Variants in IKBKB observed in about 807,000 individuals in gnomAD.
IKBKB encodes the protein inhibitor of nuclear factor kappa B kinase subunit beta.
In IKBKB, 42 loss-of-function variants were observed where a neutral mutation model predicts 113.6. That is an observed-to-expected ratio of 0.37 (90% CI 0.29 to 0.48). The LOEUF (loss-of-function observed/expected upper bound fraction) is 0.48. IKBKB is among the 20% of genes least tolerant of loss of function. IKBKB has a pLI of 0.99. For synonymous variants in IKBKB, 296 were observed against 361.3 expected (o/e 0.82, Z 2.05); for missense variants, 673 against 939.7 (o/e 0.72, Z 3.71).
chr8:42,288,580 G>T, intron 2 of IKBKB, 54 bp from the exon 3 acceptor site: 3 of 1,402,064 alleles, frequency 2.1e-6, no homozygotes, highest in Non-Finnish European at 3.0e-6. Flanking sequence ...AGCAGACAGG[G>T]TGGGATTTGG....
intron 16 of IKBKB, chr8:42,321,068 G>C (rs1819691212): frequency 2.3e-6 from 1 of 442,398 alleles, no homozygotes; most frequent in South Asian, 4.1e-5. Context: ...GATGAATTCA[G>C]ATAATGCATT....
chr8:42,314,130 CGGAGCA>C, intron 8 of IKBKB, 186 bp from the exon 9 acceptor site: 1 of 588,252 alleles, frequency 1.7e-6, no homozygotes, highest in Non-Finnish European at 3.1e-6. Flanking sequence ...TATTCAGTAC[CGGAGCA>C]TGCTGTACAG....
chr8:42,329,857 G>T (rs904695073), intron 21 of IKBKB: 15 of 985,294 alleles, frequency 1.5e-5, no homozygotes, highest in Non-Finnish European at 1.7e-5. Context: ...TGCATCATTT[G>T]CTTAGATCTT....
chr8:42,272,398 G>T, intron 2 of IKBKB, 193 bp downstream of exon 2: 3 of 649,136 alleles, frequency 4.6e-6, no homozygotes, highest in South Asian at 3.5e-5. Context: ...ATGCTTTATT[G>T]ACTATGTCAC....
rs553872255 is a variant in IKBKB, at chr8:42,327,043, T to C, written c.2114+946T>C. 3.9e-5 allele frequency among the ~76,000 whole-genome samples: 6 copies of C among 152,302 alleles called. No homozygotes were observed. In the South Asian group the frequency reaches 1.2e-3, roughly 32 times the overall value. ...TTCTGAAACTAGATATGGTGATGGTTGCACAGCTCTGTAAATACGCGAAAA... is the reference window on the plus strand; with the variant it reads ...TTCTGAAACTAGATATGGTGATGGTCGCACAGCTCTGTAAATACGCGAAAA... On this transcript the variant is annotated intron_variant, in intron 20 of 21. Coordinates refer to ENST00000520810, the MANE Select transcript of IKBKB (RefSeq NM_001556.3).
At chr8:42,311,086 A>G (rs1817609919) in intron 8 of IKBKB, among the ~76,000 whole-genome samples, 2 of 152,226 alleles carry the variant, frequency 1.3e-5, no homozygotes, top group South Asian at 2.1e-4. Context: ...TTTGATGCAT[A>G]TTAGTTAGCA....
chr8:42,306,281 A>G, intron 6 of IKBKB, 62 bp from the exon 7 acceptor site: 1 of 1,067,316 alleles, frequency 9.4e-7, no homozygotes, highest in Non-Finnish European at 1.5e-6. Context: ...AGGCAGTCAG[A>G]ATCCTCGTAG....
chr8:42,299,578 C>G (rs903805339), intron 5 of IKBKB, among the ~76,000 whole-genome samples: 1 of 152,144 alleles, frequency 6.6e-6, no homozygotes, highest in Non-Finnish European at 1.5e-5. Context: ...CTGCCAGCCT[C>G]TGTGTGTGAC....
At chr8:42,273,597 G>A (rs1808287843) in intron 2 of IKBKB, among the ~76,000 whole-genome samples, 1 of 151,968 alleles carries the variant, frequency 6.6e-6, no homozygotes, top group African/African-American at 2.4e-5. Flanking sequence ...GTAGAGATGG[G>A]GTCTTGCTAT....
intron 1 of IKBKB, chr8:42,271,850 C>G (rs1807822716): frequency 1.8e-6 from 1 of 561,844 alleles, no homozygotes; most frequent in Non-Finnish European, 3.1e-6. Context: ...CCCTCGGTGA[C>G]TTTCTTCCTT....
At chr8:42,318,120 G>T (rs1042532724) in intron 12 of IKBKB, among the ~76,000 whole-genome samples, 1 of 152,154 alleles carries the variant, frequency 6.6e-6, no homozygotes, top group Non-Finnish European at 1.5e-5. Flanking sequence ...AAATTAGCCA[G>T]ATGTGGTGGT....
chr8:42,295,116 CTT>C (rs903163193), intron 5 of IKBKB, among the ~76,000 whole-genome samples: 8 of 113,790 alleles, frequency 7.0e-5, no homozygotes, highest in African/African-American at 6.5e-5. Context: ...TTACGAAAGT[CTT>C]TTTTTTTTTT....
At chr8:42,326,212 T>C in intron 20 of IKBKB, 115 bp downstream of exon 20, 1 of 1,298,210 alleles carries the variant, frequency 7.7e-7, no homozygotes, top group Non-Finnish European at 1.1e-6. Flanking sequence ...CCTCTCTGGA[T>C]GTTTGTTGCA....
rs186408450 is a variant in IKBKB at position 42,279,900 on chromosome 8, G to C, written c.105+7695G>C. ...GTCTCCCTCTGTCACCCAGACTGGA[G>C]TGCAGTGGCTCGATCAGGGCTCACT... On this transcript the variant is annotated intron_variant, in intron 2 of 21. Transcript: ENST00000520810. Among the ~76,000 whole-genome samples, 753 of 152,330 alleles carry C rather than the reference G, an allele frequency of 4.9e-3. 14 individuals are homozygous for C. The highest frequency in any genetic ancestry group is 0.017 in the African/African-American group (710 of 41,572).
Position 42,293,276 on chromosome 8 carries a change from C to T in IKBKB, c.319-167C>T, listed in dbSNP as rs79123247. Among the ~76,000 whole-genome samples, 5,281 of 152,260 alleles carry T rather than the reference C, an allele frequency of 0.035. 102 individuals carry two copies. Among genetic ancestry groups the T allele is most frequent in the Non-Finnish European group, 0.042 (2,864 of 68,018 alleles). On this transcript the variant is annotated intron_variant, in intron 4 of 21. Coordinates refer to ENST00000520810, the MANE Select transcript of IKBKB (RefSeq NM_001556.3). ...CCTCTTTCTCCTCCTCCTCCTCCTC[C>T]GGCCAATCCCTGCTAGTTCTGCAGC...
At chr8:42,294,176 C>G (rs1201483371) in intron 5 of IKBKB, among the ~76,000 whole-genome samples, 1 of 152,132 alleles carries the variant, frequency 6.6e-6, no homozygotes, top group Non-Finnish European at 1.5e-5. Flanking sequence ...AAAATAATCT[C>G]CAGGGTTGTT....
chr8:42,322,584 C>A, intron 19 of IKBKB, 90 bp downstream of exon 19: 1 of 1,342,488 alleles, frequency 7.4e-7, no homozygotes, highest in African/African-American at 1.4e-5. Context: ...ACACGGGACA[C>A]CACAGAGCCA....
At chr8:42,330,413 T>A (rs963526131) in intron 21 of IKBKB, 1 of 642,192 alleles carries the variant, frequency 1.6e-6, no homozygotes, top group East Asian at 1.4e-4. Flanking sequence ...CTTGAACTCC[T>A]GGCCTCAAGC....
At chr8:42,330,066 G>T (rs1456924592) in intron 21 of IKBKB, 3 of 985,230 alleles carry the variant, frequency 3.0e-6, no homozygotes, top group African/African-American at 1.7e-5. Context: ...TTGCTTACTT[G>T]CATGTCTGTG....
Sources: gnomAD v4.1 joint callset for allele counts (sites outside exome capture counted in the v4.1 genomes callset) on GRCh38, gnomAD v4.1.1 for gene constraint, MANE v1.5 for transcripts, NCBI Gene and HGNC (gene_info 2026-07-23, HGNC 2026-07-21) for gene names.